Variants in SEMA6D observed in about 807,000 individuals in gnomAD.
SEMA6D encodes semaphorin 6D, also known as semaphorin-6D.
A neutral mutation model predicts 106.6 loss-of-function variants in SEMA6D; 35 were observed. The ratio of observed to expected loss-of-function variants is 0.33; its 90% CI spans 0.25 to 0.44. SEMA6D has a LOEUF of 0.44. Among genes scored for constraint, SEMA6D ranks in the 20% least tolerant of loss-of-function variants. SEMA6D has a pLI of 1.00. For synonymous variants in SEMA6D, 499 were observed against 487.7 expected (o/e 1.02, Z -0.31); for missense variants, 1,185 against 1,345.9 (o/e 0.88, Z 1.87).
chr15:47,324,388 T>C (rs17287321), intron 1 of SEMA6D, among the ~76,000 whole-genome samples: 1,680 of 152,236 alleles, frequency 0.011, 13 homozygotes, highest in Non-Finnish European at 0.014. Flanking sequence ...GAGGTATATA[T>C]CTTTTAAGAT....
intron 3 of SEMA6D, among the ~76,000 whole-genome samples, chr15:47,516,465 C>G (rs2044391624): frequency 6.6e-6 from 1 of 152,160 alleles, no homozygotes; most frequent in Admixed American, 6.5e-5. Flanking sequence ...TTAACCATTA[C>G]TGTCAAACTG....
intron 1 of SEMA6D, among the ~76,000 whole-genome samples, chr15:47,742,120 G>A (rs2080857064): frequency 6.6e-6 from 1 of 152,150 alleles, no homozygotes; most frequent in African/African-American, 2.4e-5. Flanking sequence ...CTGCAGCCGT[G>A]GAAATAAGCA....
At chr15:47,445,657 TC>T (rs2042006898) in intron 2 of SEMA6D, among the ~76,000 whole-genome samples, 1 of 152,134 alleles carries the variant, frequency 6.6e-6, no homozygotes, top group Non-Finnish European at 1.5e-5. Context: ...GCTGAACCGT[TC>T]CCCTTTTATC....
intron 1 of SEMA6D, among the ~76,000 whole-genome samples, chr15:47,321,771 A>T (rs2036933976): frequency 6.6e-6 from 1 of 152,114 alleles, no homozygotes; most frequent in South Asian, 2.1e-4. Flanking sequence ...TATTATGATG[A>T]TAGTTACAGA....
chr15:47,458,082 A>C, intron 2 of SEMA6D, among the ~76,000 whole-genome samples: 1 of 151,970 alleles, frequency 6.6e-6, no homozygotes, highest in South Asian at 2.1e-4. Context: ...AAAATACGAA[A>C]TGTTTCAGAC....
chr15:47,326,612 A>C (rs1378079672), intron 1 of SEMA6D, among the ~76,000 whole-genome samples: 14 of 151,946 alleles, frequency 9.2e-5, no homozygotes, highest in Admixed American at 9.2e-4. Flanking sequence ...CGAACCTTGA[A>C]AATAGCTCTG....
At chr15:47,650,524 A>C (rs1020897871) in intron 4 of SEMA6D, among the ~76,000 whole-genome samples, 3 of 152,210 alleles carry the variant, frequency 2.0e-5, no homozygotes, top group Admixed American at 1.3e-4. Context: ...CTCGGTAATG[A>C]GTTGCTGATT....
At chr15:47,311,976 C>T (rs1332249078) in intron 1 of SEMA6D, among the ~76,000 whole-genome samples, 1 of 152,150 alleles carries the variant, frequency 6.6e-6, no homozygotes, top group Non-Finnish European at 1.5e-5. Context: ...CAGTTTTTAT[C>T]CAGTATAGCA....
At chr15:47,408,823 G>C (rs144336780) in intron 1 of SEMA6D, among the ~76,000 whole-genome samples, 1 of 152,324 alleles carries the variant, frequency 6.6e-6, no homozygotes, top group African/African-American at 2.4e-5. Context: ...CAGCTCGAAG[G>C]AAGCATGAGC....
intron 3 of SEMA6D, among the ~76,000 whole-genome samples, chr15:47,485,279 A>G (rs753866235): frequency 7.9e-5 from 12 of 152,068 alleles, no homozygotes; most frequent in Non-Finnish European, 1.5e-4. Context: ...GTCACATTGA[A>G]TGAAACCAAC....
intron 1 of SEMA6D, among the ~76,000 whole-genome samples, chr15:47,332,836 A>G (rs889571864): frequency 3.9e-5 from 6 of 152,206 alleles, no homozygotes; most frequent in Non-Finnish European, 7.3e-5. Context: ...ATCACAGAAC[A>G]GATCTGCATA....
intron 4 of SEMA6D, among the ~76,000 whole-genome samples, chr15:47,620,728 A>ATATT (rs768273748): frequency 2.0e-5 from 3 of 150,282 alleles, no homozygotes; most frequent in African/African-American, 7.3e-5. Flanking sequence ...ATATATATAT[A>ATATT]TTCTTTGTGC....
chr15:47,612,244 G>T (rs2076921387), intron 4 of SEMA6D, among the ~76,000 whole-genome samples: 1 of 152,144 alleles, frequency 6.6e-6, no homozygotes. Flanking sequence ...CCCCTTAAAA[G>T]AATTGAGCCT....
At chr15:47,348,720 A>ACACACACACACAC (rs1567016664) in intron 1 of SEMA6D, among the ~76,000 whole-genome samples, 1 of 24,674 alleles carries the variant, frequency 4.1e-5, no homozygotes, top group African/African-American at 8.9e-5. Flanking sequence ...CACACACACC[A>ACACACACACACAC]CACACACAGA....
In SEMA6D at chr15:47,771,340, A is replaced by G. The variant is rs1436069644; in HGVS notation, c.2777A>G (p.Glu926Gly). The part of the protein sequence containing the change: ...SEVPPKVPNR[E>G]ASLYSPPSTL... Reference sequence around the variant, plus strand: ...GTCCCACCTAAAGTCCCTAACCGGGAGGCATCGCTATACTCCCCTCCTTCA... The same window carrying G: ...GTCCCACCTAAAGTCCCTAACCGGGGGGCATCGCTATACTCCCCTCCTTCA... The change falls in exon 19 of 19, where the codon GAG (glutamate) becomes GGG (glycine). Residue 926 changes from glutamate (E) to glycine (G), a missense_variant. This residue lies in a region of SEMA6D where 750 missense variants were observed against 783.5 expected (regional missense o/e 0.96). Transcript: ENST00000536845. The G allele has an allele frequency of 6.2e-7, 1 of 1,613,856 alleles. No homozygotes were observed. The highest frequency in any genetic ancestry group is 8.5e-7 in the Non-Finnish European group (1 of 1,179,988).
chr15:47,581,381 A>G (rs746441195), intron 3 of SEMA6D: 2 of 494,218 alleles, frequency 4.0e-6, no homozygotes, highest in East Asian at 1.4e-4. Context: ...CCAAATAAAC[A>G]AGATAATTCC....
intron 1 of SEMA6D, among the ~76,000 whole-genome samples, chr15:47,723,515 A>G (rs996798979): frequency 4.6e-5 from 7 of 152,174 alleles, no homozygotes; most frequent in South Asian, 4.1e-4. Context: ...AGACAGTGAG[A>G]GCTGCAGCTG....
rs541498874 is a variant in SEMA6D at position 47,543,930 on chromosome 15, A to G, written c.-86-56935A>G. 1.1e-4 allele frequency among the ~76,000 whole-genome samples: 17 copies of G among 152,322 alleles called. No individual in the cohort carries two copies. The South Asian group carries it at 3.5e-3, about 32-fold the overall frequency. On this transcript the variant is annotated intron_variant, in intron 3 of 19. Transcript: ENST00000558014. ...CAGAAAATGAATAATTTGCTAGACC[A>G]GAGTGAACTTCCAGAGTGAAACTAT...
chr15:47,596,588 C>G (rs2076540349), intron 3 of SEMA6D, among the ~76,000 whole-genome samples: 1 of 151,926 alleles, frequency 6.6e-6, no homozygotes, highest in Non-Finnish European at 1.5e-5. Context: ...ATAGATACAT[C>G]AACCAATAGA....
Sources: gnomAD v4.1 joint callset for allele counts (sites outside exome capture counted in the v4.1 genomes callset) on GRCh38, gnomAD v4.1.1 for gene constraint, gnomAD v4.1.1 regional missense constraint, MANE v1.5 for transcripts, NCBI Gene and HGNC (gene_info 2026-07-23, HGNC 2026-07-21) for gene names.